Variants in ARNT observed in about 807,000 individuals in gnomAD.
ARNT encodes class E basic helix-loop-helix protein 2.
ARNT carries 30 observed loss-of-function variants against 105.0 expected under a neutral mutation model. The observed-to-expected ratio is 0.29, with a 90% CI of 0.21 to 0.39. The LOEUF is 0.39. Among genes scored for constraint, ARNT ranks in the 10% least tolerant of loss-of-function variants. ARNT has a pLI of 1.00. For synonymous variants in ARNT, 304 were observed against 344.0 expected (o/e 0.88, Z 1.29); for missense variants, 748 against 978.7 (o/e 0.76, Z 3.15).
intron 1 of ARNT, among the ~76,000 whole-genome samples, chr1:150,863,681 T>C (rs1666052813): frequency 6.6e-6 from 1 of 151,200 alleles, no homozygotes; most frequent in Non-Finnish European, 1.5e-5. Flanking sequence ...ATATAAAAAA[T>C]TACCAGGCGC....
intron 1 of ARNT, 26 bp from the exon 2 acceptor site, chr1:150,858,486 A>G: frequency 6.6e-7 from 1 of 1,525,126 alleles, no homozygotes; most frequent in South Asian, 1.2e-5. Flanking sequence ...TGAAGTAAAC[A>G]TTTTTAAAAA....
At chr1:150,813,041 C>A in intron 21 of ARNT, 131 bp downstream of exon 21, 1 of 983,254 alleles carries the variant, frequency 1.0e-6, no homozygotes, top group Non-Finnish European at 1.5e-6. Flanking sequence ...CTACATTTAT[C>A]CCTCTCTGTC....
chr1:150,822,580 A>G (rs7533914), intron 14 of ARNT, among the ~76,000 whole-genome samples: 148,663 of 152,302 alleles, frequency 0.98, 72,630 homozygotes, highest in Non-Finnish European at 1. Context: ...AAAGCTCTGC[A>G]CTCCTTCCTC....
chr1:150,842,402 C>A (rs201188010), intron 5 of ARNT, 22 bp downstream of exon 5: 33 of 1,609,686 alleles, frequency 2.1e-5, no homozygotes, highest in Non-Finnish European at 2.8e-5. Context: ...CTTCATCATG[C>A]TAAAAGACAC....
At chr1:150,849,474 T>G (rs2102113774) in intron 3 of ARNT, among the ~76,000 whole-genome samples, 1 of 152,260 alleles carries the variant, frequency 6.6e-6, no homozygotes, top group South Asian at 2.1e-4. Context: ...AAAGAACTCC[T>G]TCATCAATAT....
rs750574542 is a variant in ARNT at position 150,816,285 on chromosome 1, T to C, written c.1924A>G (p.Thr642Ala). Reference protein sequence around the residue: ...TQGATPTWTPTTRSGFSAQQV... With the variant: ...TQGATPTWTPATRSGFSAQQV... The stretch of plus-strand genomic sequence containing the variant: ...TGGGCAGAAAAGCCTGAGCGGGTAG[T>C]AGGGGTCCAAGTTGGGGTTGCTCCT... The change falls in exon 19 of 22, where the codon ACT becomes GCT. Residue 642 changes from threonine to alanine, a missense_variant. Thr to Ala is a moderately conservative substitution (Grantham distance 58). This residue lies in a region of ARNT where 360 missense variants were observed against 411.9 expected (regional missense o/e 0.87). Coordinates refer to ENST00000358595, the MANE Select transcript of ARNT (RefSeq NM_001668.4). 12 of 1,606,934 alleles carry C rather than the reference T, an allele frequency of 7.5e-6. No homozygotes were observed. Among genetic ancestry groups the C allele is most frequent in the Non-Finnish European group, 9.3e-6 (11 of 1,177,846 alleles).
chr1:150,857,037 G>A (rs1451639039), intron 2 of ARNT, among the ~76,000 whole-genome samples: 1 of 151,978 alleles, frequency 6.6e-6, no homozygotes, highest in African/African-American at 2.4e-5. Flanking sequence ...TCAAAAATCT[G>A]AAAAATCAAA....
chr1:150,823,606 A>C (rs1657562541), intron 13 of ARNT, among the ~76,000 whole-genome samples: 1 of 146,454 alleles, frequency 6.8e-6, no homozygotes, highest in African/African-American at 2.6e-5. Flanking sequence ...GCTGGAGTGC[A>C]GTGGCACGAT....
At chr1:150,857,730 CAT>C (rs1201493772) in intron 2 of ARNT, among the ~76,000 whole-genome samples, 9 of 152,176 alleles carry the variant, frequency 5.9e-5, no homozygotes, top group African/African-American at 2.2e-4. Flanking sequence ...CACAGAAAAA[CAT>C]AGTATCAAAT....
intron 2 of ARNT, among the ~76,000 whole-genome samples, chr1:150,856,232 G>A (rs1010380366): frequency 1.3e-5 from 2 of 152,122 alleles, no homozygotes; most frequent in African/African-American, 4.8e-5. Context: ...GAGGTCAGGA[G>A]ATCGAGACCA....
At chr1:150,857,732 T>C (rs936776993) in intron 2 of ARNT, among the ~76,000 whole-genome samples, 5 of 152,262 alleles carry the variant, frequency 3.3e-5, no homozygotes, top group Middle Eastern at 3.4e-3. Flanking sequence ...CAGAAAAACA[T>C]AGTATCAAAT....
At position 150,811,349 on chromosome 1, in the gene ARNT, C is replaced by T. The variant is rs10305750; in HGVS notation, c.*672G>A. The stretch of plus-strand genomic sequence containing the variant: ...AGTGGAAAATACCTGGAAGATTTAA[C>T]TCCTTAGGACTCTTTGAAAAGTACA... On this transcript the variant is annotated 3_prime_UTR_variant, in exon 22 of 22. Transcript: ENST00000358595. The T allele has an allele frequency of 3.8e-3, 891 of 233,682 alleles. 3 individuals carry two copies. Among genetic ancestry groups the T allele is most frequent in the Middle Eastern group, 6.4e-3 (5 of 786 alleles). 14.5% of individuals were successfully genotyped at this position (233,682 alleles called of 1,614,324 possible).
chr1:150,854,548 C>A (rs1664216671), intron 2 of ARNT, among the ~76,000 whole-genome samples: 1 of 151,666 alleles, frequency 6.6e-6, no homozygotes, highest in Admixed American at 6.6e-5. Flanking sequence ...AGTGACATGG[C>A]AAGACCCTGT....
At chr1:150,834,695 G>T (rs1341846588) in intron 7 of ARNT, 55 bp from the exon 8 acceptor site, 2 of 1,478,620 alleles carry the variant, frequency 1.4e-6, no homozygotes, top group South Asian at 1.1e-5. Flanking sequence ...TGGGGAAGAG[G>T]GGGAGAGATA....
intron 3 of ARNT, among the ~76,000 whole-genome samples, chr1:150,848,630 A>G (rs1374344747): frequency 6.6e-6 from 1 of 152,024 alleles, no homozygotes; most frequent in Non-Finnish European, 1.5e-5. Flanking sequence ...CAGGACTCAA[A>G]CCACCCTCCC....
At chr1:150,854,938 A>C (rs909584710) in intron 2 of ARNT, among the ~76,000 whole-genome samples, 3 of 151,742 alleles carry the variant, frequency 2.0e-5, no homozygotes, top group African/African-American at 7.3e-5. Context: ...AAGGAAAAAA[A>C]TGAAGGAAGG....
At chr1:150,815,004 G>A (rs10305742) in intron 19 of ARNT, among the ~76,000 whole-genome samples, 2,576 of 152,088 alleles carry the variant, frequency 0.017, 33 homozygotes, top group Non-Finnish European at 0.027. Flanking sequence ...GAAAGTGAAG[G>A]AAAATATAAA....
rs756290690 is a variant in ARNT, at chr1:150,818,005, T to C, written c.1420A>G (p.Thr474Ala). 2.5e-6 allele frequency: 4 copies of C among 1,610,904 alleles called. No homozygotes were observed. The highest frequency in any genetic ancestry group is 8.5e-7 in the Non-Finnish European group (1 of 1,179,306). ...GGCCTCTGGATTGTGTTGGAGAGTG[T>C]AGGCCGTGGTTCTTGGCTAGAGTTC... Reference protein sequence around the residue: ...VKNSSQEPRPTLSNTIQRPQL... With the variant: ...VKNSSQEPRPALSNTIQRPQL... Residue 474 changes from threonine to alanine, a missense_variant, in exon 15 of 22, where the codon ACA becomes GCA. This residue lies in a region of ARNT where 360 missense variants were observed against 411.9 expected (regional missense o/e 0.87). Transcript: ENST00000358595.
intron 3 of ARNT, among the ~76,000 whole-genome samples, chr1:150,852,485 A>G (rs914530457): frequency 6.6e-6 from 1 of 152,234 alleles, no homozygotes; most frequent in Non-Finnish European, 1.5e-5. Flanking sequence ...GTCAATCCAC[A>G]GAATTGAGAA....
Sources: gnomAD v4.1 joint callset for allele counts (sites outside exome capture counted in the v4.1 genomes callset) on GRCh38, gnomAD v4.1.1 for gene constraint, gnomAD v4.1.1 regional missense constraint, MANE v1.5 for transcripts, NCBI Gene and HGNC (gene_info 2026-07-23, HGNC 2026-07-21) for gene names.